The following THAP10 variants were observed in gnomAD, a reference collection of about 807,000 sequenced individuals.
THAP10 encodes the protein THAP domain-containing protein 10.
In THAP10, 10 loss-of-function variants were observed where a neutral mutation model predicts 15.7. That is an observed-to-expected ratio of 0.64 (90% CI 0.39 to 1.08). The LOEUF (loss-of-function observed/expected upper bound fraction) is 1.08. THAP10 is among the 50% of genes least tolerant of loss of function. The pLI is 0.01. For synonymous variants in THAP10, 127 were observed against 129.1 expected, an observed-to-expected ratio of 0.98 and a Z score of 0.11; for missense variants, 310 against 330.9, an observed-to-expected ratio of 0.94 and a Z score of 0.49.
At chr15:70,888,143 C>G (rs2033458889) in intron 1 of THAP10, among the ~76,000 whole-genome samples, 1 of 151,780 alleles carries the variant, frequency 6.6e-6, no homozygotes. Context: ...GAGTCATAAT[C>G]AAAATCCTCG....
chr15:70,882,950 T>C (rs749887897), intron 1 of THAP10, 42 bp from the exon 2 acceptor site: 2 of 1,595,452 alleles, frequency 1.3e-6, no homozygotes, highest in African/African-American at 2.7e-5. Context: ...AAAGTGTACC[T>C]TATAGGATTT....
At chr15:70,883,786 C>A (rs1225717578) in intron 1 of THAP10, among the ~76,000 whole-genome samples, 1 of 151,878 alleles carries the variant, frequency 6.6e-6, no homozygotes, top group African/African-American at 2.4e-5. Context: ...TCCCAAGTAG[C>A]TGGGATTACA....
chr15:70,884,439 G>A (rs900233188), intron 1 of THAP10, among the ~76,000 whole-genome samples: 2 of 152,024 alleles, frequency 1.3e-5, no homozygotes, highest in Non-Finnish European at 2.9e-5. Context: ...ATAATTGCTT[G>A]AAGCCGGGAG....
In THAP10 at chr15:70,891,920, G is replaced by A. The variant is rs1310230883; in HGVS notation, c.353C>T (p.Ala118Val). The A allele has an allele frequency of 6.2e-7, 1 of 1,613,606 alleles. No individual in the cohort carries two copies. Among genetic ancestry groups the A allele is most frequent in the Non-Finnish European group, 8.5e-7 (1 of 1,179,938 alleles). ...RLDTRGELQA[A>V]RHSEAAPGPV... ...ACCTGGGGCAGCCTCAGAATGCCTG[G>A]CTGCCTGGAGCTCTCCTCGCGTGTC... The change falls in exon 1 of 3, where the codon GCC becomes GTC. Residue 118 changes from alanine (A) to valine (V), a missense_variant. Physicochemically the swap from Ala to Val is moderately conservative, Grantham distance 64. Transcript: ENST00000249861.
intron 1 of THAP10, among the ~76,000 whole-genome samples, chr15:70,888,666 A>G (rs2033472582): frequency 6.6e-6 from 1 of 152,180 alleles, no homozygotes; most frequent in Non-Finnish European, 1.5e-5. Flanking sequence ...AGACATTATT[A>G]AGAACCAAGA....
intron 1 of THAP10, among the ~76,000 whole-genome samples, chr15:70,886,378 A>G (rs540870354): frequency 6.6e-6 from 1 of 152,234 alleles, no homozygotes; most frequent in African/African-American, 2.4e-5. Flanking sequence ...TGTGAAACTT[A>G]GCTGCACCAT....
At chr15:70,891,752 G>A in intron 1 of THAP10, 92 bp downstream of exon 1, 3 of 1,193,100 alleles carry the variant, frequency 2.5e-6, no homozygotes, top group Middle Eastern at 2.9e-4. Context: ...AGGAACTTTC[G>A]AGATGAGGTG....
intron 1 of THAP10, among the ~76,000 whole-genome samples, chr15:70,889,725 T>C (rs1414186610): frequency 6.6e-6 from 1 of 152,182 alleles, no homozygotes; most frequent in Non-Finnish European, 1.5e-5. Flanking sequence ...GATCCATATA[T>C]AGCACCAAGC....
In THAP10 at chr15:70,892,037, A is replaced by G. The variant is rs1595986063; in HGVS notation, c.236T>C (p.Leu79Pro). ...GGGCACGGCGCCTGCCACCAGCCTC[A>G]GGCGCTGGGAGAAGCGCAGGTTCTT... ...IQKNLRFSQRLRLVAGAVPTL... is the reference protein window; with the variant it reads ...IQKNLRFSQRPRLVAGAVPTL... Residue 79 changes from leucine to proline, a missense_variant, in exon 1 of 3, where the codon CTG (leucine) becomes CCG (proline). By Grantham distance (98) the Leu-to-Pro change is moderately conservative (BLOSUM62 -3). Coordinates refer to ENST00000249861, the MANE Select transcript of THAP10 (RefSeq NM_020147.4). 6.2e-7 allele frequency: 1 copy of G among 1,613,376 alleles called. No individual in the cohort carries two copies. The highest frequency in any genetic ancestry group is 2.2e-5 in the East Asian group (1 of 44,862).
chr15:70,882,990 A>G, intron 1 of THAP10, 82 bp from the exon 2 acceptor site: 1 of 1,439,226 alleles, frequency 6.9e-7, no homozygotes, highest in Non-Finnish European at 9.4e-7. Context: ...GTAGTAAGAC[A>G]GTATAGCTGA....
In THAP10 at chr15:70,892,124, C is replaced by T; in HGVS notation, c.149G>A (p.Arg50His). 6.2e-7 allele frequency: 1 copy of T among 1,613,888 alleles called. No homozygotes were observed. Among genetic ancestry groups the T allele is most frequent in the Non-Finnish European group, 8.5e-7 (1 of 1,179,914 alleles). The change falls in exon 1 of 3, where the codon CGC becomes CAC. Residue 50 changes from arginine (R) to histidine (H), a missense_variant. Physicochemically the swap from Arg to His is conservative, Grantham distance 29. Coordinates refer to ENST00000249861, the MANE Select transcript of THAP10 (RefSeq NM_020147.4). ...AAAGTGGTCAGAGCAGATGACCGAG[C>T]GGTCATTGCCTCCGTACCAGTCGGC... The part of the protein sequence containing the change: ...CRADWYGGND[R>H]SVICSDHFAP...
chr15:70,891,400 C>T (rs908529077), intron 1 of THAP10, among the ~76,000 whole-genome samples: 3 of 152,148 alleles, frequency 2.0e-5, no homozygotes, highest in Admixed American at 1.3e-4. Flanking sequence ...ATCTCCTTCG[C>T]CCCATCATTT....
intron 1 of THAP10, among the ~76,000 whole-genome samples, chr15:70,888,438 A>G (rs564991840): frequency 7.9e-5 from 12 of 152,344 alleles, no homozygotes; most frequent in African/African-American, 2.6e-4. Flanking sequence ...TTTCAATAAA[A>G]GATGCTGAGT....
intron 1 of THAP10, among the ~76,000 whole-genome samples, chr15:70,890,693 T>C (rs2033531722): frequency 6.6e-6 from 1 of 152,188 alleles, no homozygotes; most frequent in Non-Finnish European, 1.5e-5. Flanking sequence ...GATGTTTAGC[T>C]GATTTTTAAG....
intron 1 of THAP10, among the ~76,000 whole-genome samples, chr15:70,883,136 T>C (rs915529214): frequency 6.6e-6 from 1 of 152,178 alleles, no homozygotes; most frequent in Non-Finnish European, 1.5e-5. Flanking sequence ...CCAGAATGCA[T>C]AAGCTATTTG....
In THAP10 at chr15:70,881,657, A is replaced by G. The variant is rs955021877; in HGVS notation, c.*797T>C. ...ATTTCCATGCTTATTTCTCAAATGT[A>G]GAATTCAAAAGAGAGGTGTTGACAG... On this transcript the variant is annotated 3_prime_UTR_variant, in exon 3 of 3. Coordinates refer to ENST00000249861, the MANE Select transcript of THAP10 (RefSeq NM_020147.4). The G allele has an allele frequency of 6.6e-6, 1 of 152,222 alleles. No individual in the cohort carries two copies. The highest frequency in any genetic ancestry group is 2.4e-5 in the African/African-American group (1 of 41,462). The allele number at this position is 152,222 out of a possible 1,614,324, so 9.4% of individuals were successfully genotyped here.
chr15:70,882,529 A>G lies in THAP10; in HGVS notation c.699T>C (p.Asp233=), dbSNP rs2033288633. The G allele has an allele frequency of 1.2e-6, 2 of 1,613,936 alleles. No homozygotes were observed. The highest frequency in any genetic ancestry group is 4.5e-5 in the East Asian group (2 of 44,854). Residue 233 remains aspartate (D), a synonymous_variant, in exon 3 of 3, where the codon GAT becomes GAC. Transcript: ENST00000249861. ...FDIYSSDSET[D]TDWDIKSEQS... is the part of the protein sequence containing the mutation. ...GTTCACTCTTGATATCCCAGTCTGT[A>G]TCTGTTTCTGAATCACTGGAGTAAA...
chr15:70,891,314 G>T (rs2033555081), intron 1 of THAP10, among the ~76,000 whole-genome samples: 1 of 152,170 alleles, frequency 6.6e-6, no homozygotes, highest in Non-Finnish European at 1.5e-5. Context: ...GCTGGAGCTA[G>T]TTATCAGTCA....
chr15:70,891,548 T>C (rs1367956948), intron 1 of THAP10, among the ~76,000 whole-genome samples: 1 of 149,978 alleles, frequency 6.7e-6, no homozygotes, highest in African/African-American at 2.4e-5. Context: ...AGCAACTCAC[T>C]ACTCTGCAGG....
Sources: allele counts gnomAD v4.1 joint callset (sites outside exome capture counted in the v4.1 genomes callset), GRCh38; gene constraint gnomAD v4.1.1; transcripts MANE v1.5; gene names NCBI Gene and HGNC (gene_info 2026-07-23, HGNC 2026-07-21).